The following FAM178B variants were observed in gnomAD, a reference collection of about 807,000 sequenced individuals.
FAM178B encodes protein FAM178B.
Under a neutral mutation model 91.7 loss-of-function variants are expected in FAM178B, and 82 were observed. The observed-to-expected ratio is 0.89, with a 90% confidence interval of 0.75 to 1.07. The LOEUF is 1.07. Ranked by LOEUF, FAM178B falls within the 50% of genes least tolerant of loss-of-function variation. The probability of loss-of-function intolerance (pLI) is 0.00; values close to 1 mark genes in which losing one functional copy is unlikely to be tolerated. For missense variants in FAM178B, 769 were observed against 846.7 expected (o/e 0.91, Z 1.14); for synonymous variants, 368 against 359.4 (o/e 1.02, Z -0.27).
chr2:96,882,505 G>A (rs995589613), intron 14 of FAM178B, among the ~76,000 whole-genome samples: 1 of 152,186 alleles, frequency 6.6e-6, no homozygotes, highest in African/African-American at 2.4e-5. Context: ...TGCTTCCTTC[G>A]CAGTGTGACC....
chr2:96,941,369 G>C (rs1170748034), intron 8 of FAM178B, among the ~76,000 whole-genome samples: 1 of 152,170 alleles, frequency 6.6e-6, no homozygotes, highest in Non-Finnish European at 1.5e-5. Context: ...CTTTATGAAT[G>C]CTTTCTGAGA....
intron 7 of FAM178B, among the ~76,000 whole-genome samples, chr2:96,949,144 C>T (rs2153373206): frequency 6.6e-6 from 1 of 152,342 alleles, no homozygotes; most frequent in Middle Eastern, 3.4e-3. Context: ...GAGGGCACAG[C>T]TCAGCCAGTG....
chr2:96,941,668 A>C (rs1272402315), intron 8 of FAM178B, among the ~76,000 whole-genome samples: 3 of 152,210 alleles, frequency 2.0e-5, no homozygotes, highest in African/African-American at 7.2e-5. Context: ...GGCCAGGGTC[A>C]TTCTATTTTA....
At chr2:96,910,718 C>T (rs989733141) in intron 12 of FAM178B, among the ~76,000 whole-genome samples, 1 of 152,186 alleles carries the variant, frequency 6.6e-6, no homozygotes, top group African/African-American at 2.4e-5. Context: ...CCTTCTTTTC[C>T]TCACTGGGCT....
chr2:96,905,861 T>TATATA (rs1491541308), intron 12 of FAM178B, among the ~76,000 whole-genome samples: 1 of 19,792 alleles, frequency 5.1e-5, no homozygotes, highest in Admixed American at 9.1e-4. Flanking sequence ...TATATATATA[T>TATATA]TTTTTTTTTT....
At chr2:96,882,397 G>A (rs2080408055) in intron 14 of FAM178B, among the ~76,000 whole-genome samples, 2 of 152,366 alleles carry the variant, frequency 1.3e-5, no homozygotes, top group Admixed American at 6.5e-5. Context: ...AACGTGGCAG[G>A]GGCAGGCACG....
At chr2:96,923,631 CA>C in intron 9 of FAM178B, 48 bp from the exon 10 acceptor site, 2 of 1,461,788 alleles carry the variant, frequency 1.4e-6, no homozygotes, top group East Asian at 2.5e-5. Context: ...GGAGGGGGCA[CA>C]GGGGCAGGAG....
At chr2:96,953,943 G>A (rs893621866) in intron 6 of FAM178B, among the ~76,000 whole-genome samples, 7 of 152,156 alleles carry the variant, frequency 4.6e-5, no homozygotes, top group Non-Finnish European at 8.8e-5. Context: ...TGGAGGAAAA[G>A]GGAAAAAGGA....
At chr2:96,964,136 C>G (rs963284410) in intron 5 of FAM178B, among the ~76,000 whole-genome samples, 2 of 122,748 alleles carry the variant, frequency 1.6e-5, no homozygotes, top group African/African-American at 4.9e-5. Flanking sequence ...GCCAAGATAA[C>G]TCCAGCCTGG....
intron 1 of FAM178B, among the ~76,000 whole-genome samples, chr2:96,973,100 C>T (rs1305131378): frequency 6.7e-6 from 1 of 149,976 alleles, no homozygotes; most frequent in African/African-American, 2.5e-5. Flanking sequence ...CTCAGCTACT[C>T]GGGAGGCTGA....
At chr2:96,925,276 A>T (rs1345744916) in intron 9 of FAM178B, among the ~76,000 whole-genome samples, 1 of 152,150 alleles carries the variant, frequency 6.6e-6, no homozygotes, top group African/African-American at 2.4e-5. Flanking sequence ...AGGTGGTTAC[A>T]TGTGTTTTTT....
In FAM178B at chr2:96,878,558, C is replaced by T. The variant is rs1218398529; in HGVS notation, c.1777-65G>A. On this transcript the variant is annotated intron_variant, in intron 14 of 16. Transcript: ENST00000490605. ...ACCCAGGGCAGCATGGCGTGCCCTC[C>T]ACCTGCACACTCCCCACTCTCAGGC... is the stretch of plus-strand genomic sequence containing the variant. The T allele has an allele frequency of 2.8e-6, 4 of 1,420,662 alleles. No individual in the cohort carries two copies. The African/African-American group carries it at 5.6e-5, about 20-fold the overall frequency. 88.0% of individuals were successfully genotyped at this position (1,420,662 alleles called of 1,614,324 possible). A position where few individuals can be genotyped will look rare whatever the true frequency, so the allele number is the denominator to read the frequency against.
At chr2:96,964,977 A>T (rs773451812) in intron 5 of FAM178B, among the ~76,000 whole-genome samples, 57 of 152,116 alleles carry the variant, frequency 3.7e-4, no homozygotes, top group Admixed American at 9.2e-4. Context: ...CCAGGTGATC[A>T]TCCGGTTTGG....
At chr2:96,917,137 G>C (rs1395560513) in intron 12 of FAM178B, among the ~76,000 whole-genome samples, 1 of 152,238 alleles carries the variant, frequency 6.6e-6, no homozygotes, top group Non-Finnish European at 1.5e-5. Flanking sequence ...CTGGCGGCCA[G>C]CCAGGTGGCT....
At chr2:96,965,790 C>T (rs1396789756) in intron 5 of FAM178B, among the ~76,000 whole-genome samples, 2 of 152,080 alleles carry the variant, frequency 1.3e-5, no homozygotes. Flanking sequence ...TTAAAGATAA[C>T]TCCAACCTTC....
chr2:96,928,355 C>T (rs976571109), intron 9 of FAM178B, among the ~76,000 whole-genome samples: 9 of 152,238 alleles, frequency 5.9e-5, no homozygotes, highest in South Asian at 4.1e-4. Flanking sequence ...AACACTTTTA[C>T]GACCTTAAGC....
intron 13 of FAM178B, 63 bp from the exon 14 acceptor site, chr2:96,894,114 C>T (rs549259876): frequency 3.5e-5 from 54 of 1,540,352 alleles, no homozygotes; most frequent in South Asian, 1.1e-4. Context: ...AGGGTGCTCC[C>T]GGGAATCGGC....
intron 9 of FAM178B, among the ~76,000 whole-genome samples, chr2:96,926,581 C>T (rs1055411295): frequency 2.6e-5 from 4 of 152,214 alleles, no homozygotes; most frequent in Non-Finnish European, 5.9e-5. Context: ...CCACCCGCTT[C>T]CCATTCATAT....
intron 14 of FAM178B, among the ~76,000 whole-genome samples, chr2:96,888,134 C>T (rs1323137926): frequency 1.3e-5 from 2 of 152,264 alleles, no homozygotes; most frequent in Non-Finnish European, 2.9e-5. Flanking sequence ...GTCCCCCTCT[C>T]CTGGAGGGTC....
Sources: allele counts gnomAD v4.1 joint callset (sites outside exome capture counted in the v4.1 genomes callset), GRCh38; gene constraint gnomAD v4.1.1; transcripts MANE v1.5; gene names NCBI Gene and HGNC (gene_info 2026-07-23, HGNC 2026-07-21).